The following SLC24A3 variants were observed in gnomAD, a reference collection of about 807,000 sequenced individuals.
SLC24A3 encodes sodium/potassium/calcium exchanger 3.
SLC24A3 carries 28 observed loss-of-function variants against 75.8 expected under a neutral mutation model. The ratio of observed to expected loss-of-function variants is 0.37; its 90% CI spans 0.27 to 0.51. The LOEUF (loss-of-function observed/expected upper bound fraction) is 0.51. Among genes scored for constraint, SLC24A3 ranks in the 20% least tolerant of loss-of-function variants. The pLI is 0.94. For synonymous variants in SLC24A3, 372 were observed against 334.1 expected, an observed-to-expected ratio of 1.11 and a Z score of -1.24; for missense variants, 663 against 847.8, an observed-to-expected ratio of 0.78 and a Z score of 2.71.
intron 6 of SLC24A3, among the ~76,000 whole-genome samples, chr20:19,619,852 G>A (rs879747347): frequency 5.9e-5 from 9 of 152,140 alleles, no homozygotes; most frequent in Admixed American, 4.6e-4. Context: ...ATGGCCGTGC[G>A]GGTAAAAAGT....
At chr20:19,529,883 C>T (rs1418561216) in intron 3 of SLC24A3, among the ~76,000 whole-genome samples, 1 of 152,174 alleles carries the variant, frequency 6.6e-6, no homozygotes, top group East Asian at 1.9e-4. Context: ...ACTCTTTGCT[C>T]TGCTGATAAA....
rs368371399 is a variant in SLC24A3 at position 19,218,994 on chromosome 20, C to A, written c.142+6010C>A. 1.8e-4 allele frequency among the ~76,000 whole-genome samples: 27 copies of A among 151,994 alleles called. No homozygotes were observed. In the East Asian group the frequency reaches 2.3e-3, roughly 13 times the overall value. ...TAATTTGGATTTTTTTTTTCTGGTCCATTTTTGCCTTCTTTTTCTATAGAG... is the reference window on the plus strand; with the variant it reads ...TAATTTGGATTTTTTTTTTCTGGTCAATTTTTGCCTTCTTTTTCTATAGAG... On this transcript the variant is annotated intron_variant, in intron 1 of 16. Transcript: ENST00000328041.
intron 2 of SLC24A3, among the ~76,000 whole-genome samples, chr20:19,345,744 C>G (rs1985379702): frequency 6.6e-6 from 1 of 151,958 alleles, no homozygotes; most frequent in Non-Finnish European, 1.5e-5. Flanking sequence ...TGCAATACCA[C>G]CTCACTCCTG....
intron 2 of SLC24A3, among the ~76,000 whole-genome samples, chr20:19,392,968 A>G (rs1986391840): frequency 2.0e-5 from 3 of 152,142 alleles, no homozygotes; most frequent in African/African-American, 7.2e-5. Context: ...TGGCCAGAAC[A>G]AAAATATACC....
At chr20:19,240,803 A>C (rs992142001) in intron 1 of SLC24A3, among the ~76,000 whole-genome samples, 2 of 152,038 alleles carry the variant, frequency 1.3e-5, no homozygotes, top group Non-Finnish European at 2.9e-5. Flanking sequence ...CTTTTTGTAG[A>C]CCCAGTCAGC....
At chr20:19,609,047 G>A (rs929892037) in intron 6 of SLC24A3, among the ~76,000 whole-genome samples, 3 of 152,182 alleles carry the variant, frequency 2.0e-5, no homozygotes, top group South Asian at 2.1e-4. Flanking sequence ...TCCTGCAATT[G>A]AGGAAGAAAA....
intron 2 of SLC24A3, among the ~76,000 whole-genome samples, chr20:19,378,484 A>G (rs1600455277): frequency 6.6e-6 from 1 of 152,234 alleles, no homozygotes; most frequent in East Asian, 1.9e-4. Flanking sequence ...AATTGGGTCC[A>G]CATGGTTGGC....
intron 15 of SLC24A3, among the ~76,000 whole-genome samples, chr20:19,715,190 G>A (rs1000061549): frequency 6.6e-6 from 1 of 152,200 alleles, no homozygotes; most frequent in Non-Finnish European, 1.5e-5. Context: ...GAACACAGGG[G>A]ATTATCATAG....
intron 2 of SLC24A3, among the ~76,000 whole-genome samples, chr20:19,318,074 C>G (rs1050422682): frequency 6.6e-6 from 1 of 152,194 alleles, no homozygotes; most frequent in Admixed American, 6.5e-5. Context: ...CAACCAATGG[C>G]TGATGGGAGG....
chr20:19,508,236 A>AG (rs1216664716), intron 2 of SLC24A3, among the ~76,000 whole-genome samples: 3 of 152,196 alleles, frequency 2.0e-5, no homozygotes, highest in African/African-American at 7.2e-5. Flanking sequence ...TCATCACTGC[A>AG]GGGGGAAGCT....
intron 1 of SLC24A3, among the ~76,000 whole-genome samples, chr20:19,232,869 C>T (rs1982061519): frequency 6.6e-6 from 1 of 152,150 alleles, no homozygotes; most frequent in Non-Finnish European, 1.5e-5. Context: ...CAGAAATGCC[C>T]AGAACCTCTA....
At chr20:19,521,753 C>T (rs1460846120) in intron 3 of SLC24A3, among the ~76,000 whole-genome samples, 1 of 152,114 alleles carries the variant, frequency 6.6e-6, no homozygotes, top group African/African-American at 2.4e-5. Context: ...TCCCCCAGGC[C>T]CAGATTGCTG....
At chr20:19,695,224 AG>A (rs1351440293) in intron 13 of SLC24A3, among the ~76,000 whole-genome samples, 5 of 152,196 alleles carry the variant, frequency 3.3e-5, no homozygotes, top group African/African-American at 1.2e-4. Flanking sequence ...GAGTGAAGTC[AG>A]GGTTCCGGGT....
intron 6 of SLC24A3, among the ~76,000 whole-genome samples, chr20:19,617,161 T>C (rs897404432): frequency 1.1e-4 from 17 of 152,344 alleles, no homozygotes; most frequent in African/African-American, 3.4e-4. Context: ...TCTGACTTCA[T>C]AGGGCTCCTC....
At chr20:19,584,163 ATT>A (rs1187554293) in intron 4 of SLC24A3, among the ~76,000 whole-genome samples, 4 of 152,192 alleles carry the variant, frequency 2.6e-5, no homozygotes, top group Admixed American at 6.5e-5. Flanking sequence ...CTAATGTATA[ATT>A]GCCTTGTCTT....
intron 2 of SLC24A3, among the ~76,000 whole-genome samples, chr20:19,341,423 C>T (rs957384329): frequency 3.3e-5 from 5 of 152,180 alleles, no homozygotes; most frequent in African/African-American, 1.2e-4. Context: ...GGAACTGGAC[C>T]TAGTCCATCC....
intron 2 of SLC24A3, among the ~76,000 whole-genome samples, chr20:19,328,723 A>G (rs1236598165): frequency 1.3e-5 from 2 of 152,178 alleles, no homozygotes; most frequent in Non-Finnish European, 2.9e-5. Context: ...GTCCCAGTTG[A>G]GATCATGAGT....
intron 2 of SLC24A3, among the ~76,000 whole-genome samples, chr20:19,312,953 C>T (rs1316832737): frequency 1.3e-5 from 2 of 150,820 alleles, no homozygotes; most frequent in Non-Finnish European, 1.5e-5. Context: ...TACTTTGTAG[C>T]AGTGTCAGGA....
rs528932969 is a variant in SLC24A3 at position 19,433,207 on chromosome 20, A to G, written c.272-82281A>G. Reference sequence around the variant, plus strand: ...GGCAGTATCACCCTGTTACTTATTAATAGACTAATGATAGATGACCAAATC... The same window carrying G: ...GGCAGTATCACCCTGTTACTTATTAGTAGACTAATGATAGATGACCAAATC... On this transcript the variant is annotated intron_variant, in intron 2 of 16. Coordinates refer to ENST00000328041, the MANE Select transcript of SLC24A3 (RefSeq NM_020689.4). 1.4e-3 allele frequency among the ~76,000 whole-genome samples: 218 copies of G among 152,304 alleles called. 1 individual carries two copies. In the South Asian group the frequency reaches 0.019, roughly 14 times the overall value.
Sources: allele counts gnomAD v4.1 joint callset (sites outside exome capture counted in the v4.1 genomes callset), GRCh38; gene constraint gnomAD v4.1.1; transcripts MANE v1.5; gene names NCBI Gene and HGNC (gene_info 2026-07-23, HGNC 2026-07-21).